LARGE1: variants seen among roughly 807,000 people sequenced by gnomAD.
LARGE1 encodes LARGE xylosyl- and glucuronyltransferase 1, also known as xylosyl- and glucuronyltransferase LARGE1.
LARGE1 carries 43 observed loss-of-function variants against 87.6 expected under a neutral mutation model. The observed-to-expected ratio is 0.49, with a 90% CI of 0.38 to 0.63. The LOEUF (loss-of-function observed/expected upper bound fraction) is 0.63. Ranked by LOEUF, LARGE1 falls within the 30% of genes least tolerant of loss-of-function variation. The pLI is 0.00. For missense variants in LARGE1, 802 were observed against 1,000.2 expected (o/e 0.80, Z 2.67); for synonymous variants, 434 against 394.6 (o/e 1.10, Z -1.18).
chr22:33,692,928 T>C (rs2082136291), intron 2 of LARGE1, among the ~76,000 whole-genome samples: 1 of 152,166 alleles, frequency 6.6e-6, no homozygotes, highest in Non-Finnish European at 1.5e-5. Context: ...ATCATTCTAT[T>C]ATAAAGACAC....
the LARGE1 span, among the ~76,000 whole-genome samples, chr22:33,102,583 G>A: frequency 1.8e-4 from 28 of 151,938 alleles, no homozygotes; most frequent in African/African-American, 6.0e-4. Context: ...TCCGCCTCCC[G>A]GGTTCAAGTG....
chr22:33,816,849 AT>A (rs2086668640), intron 1 of LARGE1, among the ~76,000 whole-genome samples: 1 of 152,094 alleles, frequency 6.6e-6, no homozygotes, highest in Non-Finnish European at 1.5e-5. Context: ...ATTCTCAATC[AT>A]TTCAAATTCC....
intron 6 of LARGE1, among the ~76,000 whole-genome samples, chr22:33,458,158 GT>G (rs1036623222): frequency 4.7e-5 from 7 of 149,768 alleles, no homozygotes; most frequent in Non-Finnish European, 7.4e-5. Flanking sequence ...TCAGGCTGGA[GT>G]GCAGTGGCAT....
rs1330201156 is a variant in LARGE1 at position 33,184,102 on chromosome 22, A to ATATATATATC, written c.1731-17271_1731-17270insGATATATATA. ...TAATCAGTACACTATATATATATATATCATATCTTTATGCTATATACCTTG... is the reference window on the plus strand; with the variant it reads ...TAATCAGTACACTATATATATATATATATATATATCTCATATCTTTATGCTATATACCTTG... On this transcript the variant is annotated intron_variant, in intron 11 of 11. Transcript: ENST00000608642. Among the ~76,000 whole-genome samples, 34 of 146,648 alleles carry ATATATATATC rather than the reference A, an allele frequency of 2.3e-4. 2 individuals are homozygous for ATATATATATC. The highest frequency in any genetic ancestry group is 7.7e-4 in the African/African-American group (31 of 40,188).
the LARGE1 span, among the ~76,000 whole-genome samples, chr22:33,142,753 T>C: frequency 6.6e-6 from 1 of 152,206 alleles, no homozygotes; most frequent in South Asian, 2.1e-4. Flanking sequence ...TTTGAGAGGA[T>C]TGCCAAGCTC....
intron 2 of LARGE1, among the ~76,000 whole-genome samples, chr22:33,677,214 C>A (rs968027493): frequency 6.9e-6 from 1 of 144,568 alleles, no homozygotes; most frequent in Non-Finnish European, 1.5e-5. Context: ...GTGAAAAAGA[C>A]GGGGGAGGAT....
rs11913108 is a variant in LARGE1 at position 33,911,230 on chromosome 22, T to A, written c.-83+8765A>T. Reference sequence around the variant, plus strand: ...CTGGTTCCACCTCCCCTCTGAATAATCATCTTGACCTCCCTTAGGTCTGGC... The same window carrying A: ...CTGGTTCCACCTCCCCTCTGAATAAACATCTTGACCTCCCTTAGGTCTGGC... On this transcript the variant is annotated intron_variant, in intron 1 of 14. Coordinates refer to ENST00000397394, the MANE Select transcript of LARGE1 (RefSeq NM_133642.5). Among the ~76,000 whole-genome samples, 1,341 of 152,230 alleles carry A rather than the reference T, an allele frequency of 8.8e-3. 36 individuals are homozygous for A. Among genetic ancestry groups the A allele is most frequent in the African/African-American group, 0.031 (1,278 of 41,530 alleles).
intron 1 of LARGE1, among the ~76,000 whole-genome samples, chr22:33,789,211 A>G (rs552084659): frequency 6.6e-6 from 1 of 152,342 alleles, no homozygotes; most frequent in Non-Finnish European, 1.5e-5. Flanking sequence ...GAGCCAACAT[A>G]GAGCTCAGGC....
chr22:33,738,581 C>T (rs984839814), intron 2 of LARGE1, among the ~76,000 whole-genome samples: 2 of 152,174 alleles, frequency 1.3e-5, no homozygotes, highest in Admixed American at 6.5e-5. Context: ...ATGCCAGGGC[C>T]GGGCGCGGTG....
chr22:33,305,624 T>C (rs1332812864), intron 11 of LARGE1: 2 of 984,670 alleles, frequency 2.0e-6, no homozygotes, highest in African/African-American at 3.5e-5. Flanking sequence ...ATTTCCATGC[T>C]TCTAAACAAA....
chr22:33,091,093 A>T, the LARGE1 span, among the ~76,000 whole-genome samples: 1 of 152,190 alleles, frequency 6.6e-6, no homozygotes, highest in Non-Finnish European at 1.5e-5. Flanking sequence ...CGATTGCCAT[A>T]TCCCTAGAGT....
intron 5 of LARGE1, among the ~76,000 whole-genome samples, chr22:33,580,740 G>A (rs963999625): frequency 9.8e-5 from 15 of 152,318 alleles, no homozygotes; most frequent in South Asian, 4.1e-4. Flanking sequence ...AGAAAGGGGA[G>A]TTTCAGCAGT....
At chr22:33,855,290 C>T (rs1361092098) in intron 1 of LARGE1, among the ~76,000 whole-genome samples, 3 of 152,006 alleles carry the variant, frequency 2.0e-5, no homozygotes, top group Admixed American at 6.6e-5. Flanking sequence ...GCGGAGATCG[C>T]GCCACCACAC....
intron 2 of LARGE1, among the ~76,000 whole-genome samples, chr22:33,755,581 T>C (rs1395277105): frequency 2.0e-5 from 3 of 151,998 alleles, no homozygotes; most frequent in African/African-American, 7.2e-5. Context: ...TGATAGAAAA[T>C]AACAGGTATG....
intron 5 of LARGE1, among the ~76,000 whole-genome samples, chr22:33,602,041 C>T (rs369758502): frequency 2.6e-5 from 4 of 152,174 alleles, no homozygotes; most frequent in South Asian, 2.1e-4. Flanking sequence ...ACTTCACAAC[C>T]GGCCACACCA....
chr22:33,311,968 C>G (rs1386129051), intron 11 of LARGE1, among the ~76,000 whole-genome samples: 1 of 152,172 alleles, frequency 6.6e-6, no homozygotes, highest in East Asian at 1.9e-4. Flanking sequence ...GAACCCGGAG[C>G]TCTCTGTCCT....
chr22:33,192,793 G>A (rs576553067), intron 11 of LARGE1, among the ~76,000 whole-genome samples: 125 of 152,144 alleles, frequency 8.2e-4, no homozygotes, highest in African/African-American at 2.9e-3. Flanking sequence ...GTGGTTTTAC[G>A]GTTTCAGGTC....
intron 7 of LARGE1, among the ~76,000 whole-genome samples, chr22:33,401,372 T>C (rs1293188449): frequency 6.6e-6 from 1 of 152,118 alleles, no homozygotes; most frequent in African/African-American, 2.4e-5. Flanking sequence ...TGCTTGGCCA[T>C]CCACGCTGTC....
At chr22:33,607,578 A>G (rs1373271010) in intron 4 of LARGE1, among the ~76,000 whole-genome samples, 1 of 152,052 alleles carries the variant, frequency 6.6e-6, no homozygotes, top group African/African-American at 2.4e-5. Context: ...GGAGGAGCAG[A>G]AGGCAACACT....
Sources: gnomAD v4.1 joint callset for allele counts (sites outside exome capture counted in the v4.1 genomes callset) on GRCh38, gnomAD v4.1.1 for gene constraint, MANE v1.5 for transcripts, NCBI Gene and HGNC (gene_info 2026-07-23, HGNC 2026-07-21) for gene names.